FEM1B: variants seen among roughly 807,000 people sequenced by gnomAD.
FEM1B encodes fem-1 homolog B.
Under a neutral mutation model 38.6 loss-of-function variants are expected in FEM1B, and 10 were observed. The observed-to-expected ratio is 0.26, with a 90% CI of 0.16 to 0.44. The LOEUF is 0.44. FEM1B is among the 20% of genes least tolerant of loss of function. The pLI is 1.00. For synonymous variants in FEM1B, 288 were observed against 288.0 expected (o/e 1.00, Z 0.00); for missense variants, 471 against 786.7 (o/e 0.60, Z 4.80).
chr15:68,291,486 C>T lies in FEM1B; in HGVS notation c.*244C>T. 4.8e-6 allele frequency: 2 copies of T among 419,890 alleles called. No individual in the cohort carries two copies. Among genetic ancestry groups the T allele is most frequent in the Non-Finnish European group, 8.4e-6 (2 of 238,208 alleles). 26.0% of individuals were successfully genotyped at this position (419,890 alleles called of 1,614,324 possible). ...ATTTGCATATTGGTTACCTATTTGT[C>T]TTTCTTTTTTTTAAAGGAACAGATA... On this transcript the variant is annotated 3_prime_UTR_variant, in exon 2 of 2. Coordinates refer to ENST00000306917, the MANE Select transcript of FEM1B (RefSeq NM_015322.5). The surrounding 1 kb of genome is among the most constrained non-coding windows in gnomAD (Gnocchi z 6.9).
chr15:68,285,620 A>G (rs1892776382), intron 1 of FEM1B, among the ~76,000 whole-genome samples: 1 of 151,720 alleles, frequency 6.6e-6, no homozygotes, highest in Non-Finnish European at 1.5e-5. Context: ...CCTGTTAACT[A>G]ATTATCTTGA....
rs1430543861 is a variant in FEM1B, at chr15:68,292,409, G to A, written c.*1167G>A. 1.3e-5 allele frequency: 2 copies of A among 151,976 alleles called. No homozygotes were observed. Among genetic ancestry groups the A allele is most frequent in the African/African-American group, 2.4e-5 (1 of 41,396 alleles). 9.4% of individuals were successfully genotyped at this position (151,976 alleles called of 1,614,324 possible). A position where few individuals can be genotyped will look rare whatever the true frequency, so the allele number is the denominator to read the frequency against. On this transcript the variant is annotated 3_prime_UTR_variant, in exon 2 of 2. Coordinates refer to ENST00000306917, the MANE Select transcript of FEM1B (RefSeq NM_015322.5). ...TACAGGCTATACAGAGGTCTTTATG[G>A]TTTTTTTGTTTTGTTTTAATGGCAA...
Position 68,292,998 on chromosome 15 carries a change from T to G in FEM1B, c.*1756T>G, listed in dbSNP as rs1485303552. The G allele has an allele frequency of 6.6e-6, 1 of 152,204 alleles. No individual in the cohort carries two copies. Among genetic ancestry groups the G allele is most frequent in the Non-Finnish European group, 1.5e-5 (1 of 68,010 alleles). 9.4% of individuals were successfully genotyped at this position (152,204 alleles called of 1,614,324 possible). On this transcript the variant is annotated 3_prime_UTR_variant, in exon 2 of 2. Coordinates refer to ENST00000306917, the MANE Select transcript of FEM1B (RefSeq NM_015322.5). ...TCTGTCATGGTAATAGATACCTATT[T>G]TCCTAACCTGAGATTTTACAAGGAA...
rs377002244 is a variant in FEM1B, at chr15:68,288,722, A to AT, written c.249-878dup. Among the ~76,000 whole-genome samples the AT allele has an allele frequency of 6.6e-6, 1 of 152,078 alleles. No homozygotes were observed. Among genetic ancestry groups the AT allele is most frequent in the African/African-American group, 2.4e-5 (1 of 41,390 alleles). On this transcript the variant is annotated intron_variant, in intron 1 of 1. Transcript: ENST00000306917. This position sits in a 1 kb window ranked among gnomAD's most constrained non-coding sequence, Gnocchi z 4.6. ...GTGCTAATTATTTCCTGCTGTTAGT[A>AT]TTTTTTTCCTGTAGTGGTTGATTGA...
chr15:68,285,604 C>T (rs1453847148), intron 1 of FEM1B, among the ~76,000 whole-genome samples: 1 of 151,826 alleles, frequency 6.6e-6, no homozygotes, highest in African/African-American at 2.4e-5. Flanking sequence ...TTTTAATTTG[C>T]ATTTCCCTGT....
At position 68,293,953 on chromosome 15, in the gene FEM1B, G is replaced by A. The variant is rs143728777; in HGVS notation, c.*2711G>A. ...ATGCTTTGAATTGTAAATCTTCATT[G>A]ATGGTATTACAGATTCAACCAAAAC... On this transcript the variant is annotated 3_prime_UTR_variant, in exon 2 of 2. Transcript: ENST00000306917. This position sits in a 1 kb window ranked among gnomAD's most constrained non-coding sequence, Gnocchi z 5.8. 6.6e-6 allele frequency: 1 copy of A among 152,230 alleles called. No homozygotes were observed. The highest frequency in any genetic ancestry group is 1.9e-4 in the East Asian group (1 of 5,194). 9.4% of individuals were successfully genotyped at this position (152,230 alleles called of 1,614,324 possible).
At position 68,292,697 on chromosome 15, in the gene FEM1B, TAAAAA is replaced by T. The variant is rs796707283; in HGVS notation, c.*1460_*1464del. 6.7e-6 allele frequency: 1 copy of T among 150,228 alleles called. No individual in the cohort carries two copies. The highest frequency in any genetic ancestry group is 1.9e-4 in the East Asian group (1 of 5,162). 9.3% of individuals were successfully genotyped at this position (150,228 alleles called of 1,614,324 possible). On this transcript the variant is annotated 3_prime_UTR_variant, in exon 2 of 2. Coordinates refer to ENST00000306917, the MANE Select transcript of FEM1B (RefSeq NM_015322.5). ...GATGTAGCAGCATCAGATATAAACTTAAAAAAAAAGGTTTCAATTAACATTTTATA... is the reference window on the plus strand; with the variant it reads ...GATGTAGCAGCATCAGATATAAACTTAAAAGGTTTCAATTAACATTTTATA...
chr15:68,291,259 A>T lies in FEM1B; in HGVS notation c.*17A>T. 1 of 1,553,732 alleles carries T rather than the reference A, an allele frequency of 6.4e-7. No homozygotes were observed. Reference sequence around the variant, plus strand: ...TTTCATTAAGTGACTGGATATGTAAAGTCGTTTAATGTGGTGCTAAAAAGT... The same window carrying T: ...TTTCATTAAGTGACTGGATATGTAATGTCGTTTAATGTGGTGCTAAAAAGT... On this transcript the variant is annotated 3_prime_UTR_variant, in exon 2 of 2. Coordinates refer to ENST00000306917, the MANE Select transcript of FEM1B (RefSeq NM_015322.5). The surrounding 1 kb of genome is among the most constrained non-coding windows in gnomAD (Gnocchi z 6.9).
In FEM1B at chr15:68,290,958, A is replaced by G. The variant is rs1368174466; in HGVS notation, c.1600A>G (p.Ser534Gly). The G allele has an allele frequency of 1.9e-6, 3 of 1,614,108 alleles. No homozygotes were observed. Among genetic ancestry groups the G allele is most frequent in the Non-Finnish European group, 2.5e-6 (3 of 1,180,038 alleles). Residue 534 changes from serine (S) to glycine (G), a missense_variant, in exon 2 of 2, where the codon AGT becomes GGT. Physicochemically the swap from Ser to Gly is moderately conservative, Grantham distance 56 (BLOSUM62 0). Coordinates refer to ENST00000306917, the MANE Select transcript of FEM1B (RefSeq NM_015322.5). The surrounding 1 kb of genome is among the most constrained non-coding windows in gnomAD (Gnocchi z 9.7). ...EVNAVDNEGN[S>G]ALHIIVQYNR... ...GAATGCCGTGGACAATGAGGGAAAC[A>G]GTGCCCTTCATATTATCGTTCAGTA... is the stretch of plus-strand genomic sequence containing the variant.
rs910657064 is a variant in FEM1B at position 68,281,105 on chromosome 15, C to T, written c.248+2440C>T. On this transcript the variant is annotated intron_variant, in intron 1 of 1. Coordinates refer to ENST00000306917, the MANE Select transcript of FEM1B (RefSeq NM_015322.5). This position sits in a 1 kb window ranked among gnomAD's most constrained non-coding sequence, Gnocchi z 5.1. Reference sequence around the variant, plus strand: ...ACCAAAAAAGAGTGTGATGATTTCACTTTGCATTTGTTTCAGACATTGTGA... The same window carrying T: ...ACCAAAAAAGAGTGTGATGATTTCATTTTGCATTTGTTTCAGACATTGTGA... Among the ~76,000 whole-genome samples the T allele has an allele frequency of 1.3e-5, 2 of 152,206 alleles. No individual in the cohort carries two copies. The highest frequency in any genetic ancestry group is 2.9e-5 in the Non-Finnish European group (2 of 68,030).
At chr15:68,282,650 T>C (rs1193936663) in intron 1 of FEM1B, among the ~76,000 whole-genome samples, 1 of 152,216 alleles carries the variant, frequency 6.6e-6, no homozygotes, top group Admixed American at 6.5e-5. Flanking sequence ...GAATACATAA[T>C]AGAGAACTTG....
Position 68,280,369 on chromosome 15 carries a change from A to G in FEM1B, c.248+1704A>G, listed in dbSNP as rs1184618106. On this transcript the variant is annotated intron_variant, in intron 1 of 1. Transcript: ENST00000306917. The surrounding 1 kb of genome is among the most constrained non-coding windows in gnomAD (Gnocchi z 4.2). ...GTAGGGATTGGATATGCAGAGATGA[A>G]TAACATACTCTTTTGTCTTGGAGGA... 1.3e-5 allele frequency: 2 copies of G among 152,216 alleles called. No homozygotes were observed. Among genetic ancestry groups the G allele is most frequent in the East Asian group, 1.9e-4 (1 of 5,196 alleles). 9.4% of individuals were successfully genotyped at this position (152,216 alleles called of 1,614,324 possible).
Position 68,292,508 on chromosome 15 carries a change from T to G in FEM1B, c.*1266T>G, listed in dbSNP as rs571003036. 23 of 152,258 alleles carry G rather than the reference T, an allele frequency of 1.5e-4. No homozygotes were observed. Among genetic ancestry groups the G allele is most frequent in the African/African-American group, 5.5e-4 (23 of 41,566 alleles). The allele number at this position is 152,258 out of a possible 1,614,324, so 9.4% of individuals were successfully genotyped here. A position where few individuals can be genotyped will look rare whatever the true frequency, so the allele number is the denominator to read the frequency against. On this transcript the variant is annotated 3_prime_UTR_variant, in exon 2 of 2. Transcript: ENST00000306917. ...ATTACAGAAATTCAAGTGAAAGTTA[T>G]ATGCTTATTTCTATTGATGTTAAAA...
In FEM1B at chr15:68,293,413, T is replaced by C. The variant is rs1892867867; in HGVS notation, c.*2171T>C. On this transcript the variant is annotated 3_prime_UTR_variant, in exon 2 of 2. Transcript: ENST00000306917. The surrounding 1 kb of genome is among the most constrained non-coding windows in gnomAD (Gnocchi z 5.8). ...CCAGGACCAGCACTATTTAAGACAC[T>C]GCTTATTTATAAAATGAGAATAATG... The C allele has an allele frequency of 1.3e-5, 2 of 152,220 alleles. No homozygotes were observed. The allele number at this position is 152,220 out of a possible 1,614,324, so 9.4% of individuals were successfully genotyped here.
Position 68,278,734 on chromosome 15 carries a change from C to T in FEM1B, c.248+69C>T. 1 of 1,575,978 alleles carries T rather than the reference C, an allele frequency of 6.3e-7. No homozygotes were observed. The highest frequency in any genetic ancestry group is 8.7e-7 in the Non-Finnish European group (1 of 1,150,426). ...CGTTAATTCACGGGCCCTCCCCTCC[C>T]TCACCCTCTCTTACCCTCTCTTCAT... On this transcript the variant is annotated intron_variant, in intron 1 of 1. Transcript: ENST00000306917. The surrounding 1 kb of genome is among the most constrained non-coding windows in gnomAD (Gnocchi z 5.7).
rs1892683328 is a variant in FEM1B, at chr15:68,278,243, C to T, written c.-175C>T. 1.2e-6 allele frequency: 1 copy of T among 861,704 alleles called. No individual in the cohort carries two copies. The allele number at this position is 861,704 out of a possible 1,614,324, so 53.4% of individuals were successfully genotyped here. On this transcript the variant is annotated 5_prime_UTR_variant, in exon 1 of 2. Coordinates refer to ENST00000306917, the MANE Select transcript of FEM1B (RefSeq NM_015322.5). This position sits in a 1 kb window ranked among gnomAD's most constrained non-coding sequence, Gnocchi z 5.7. ...CGTGCCCTTCGCGGCACTCGGCCTC[C>T]TCTGCGTCTCCGCCTTCCCTGGGCC...
At position 68,291,365 on chromosome 15, in the gene FEM1B, T is replaced by G; in HGVS notation, c.*123T>G. ...TTCCACTACCCTTCCTCCCATCCCA[T>G]CCTTCCTTAGTTCTGTATTTGTTTT... is the stretch of plus-strand genomic sequence containing the variant. On this transcript the variant is annotated 3_prime_UTR_variant, in exon 2 of 2. Coordinates refer to ENST00000306917, the MANE Select transcript of FEM1B (RefSeq NM_015322.5). The surrounding 1 kb of genome is among the most constrained non-coding windows in gnomAD (Gnocchi z 6.9). 1.4e-6 allele frequency: 1 copy of G among 694,918 alleles called. No homozygotes were observed. The highest frequency in any genetic ancestry group is 2.4e-6 in the Non-Finnish European group (1 of 424,794). 43.0% of individuals were successfully genotyped at this position (694,918 alleles called of 1,614,324 possible). A position where few individuals can be genotyped will look rare whatever the true frequency, so the allele number is the denominator to read the frequency against.
In FEM1B at chr15:68,292,656, T is replaced by A. The variant is rs1005666097; in HGVS notation, c.*1414T>A. 2.7e-4 allele frequency: 41 copies of A among 151,414 alleles called. No individual in the cohort carries two copies. Among genetic ancestry groups the A allele is most frequent in the African/African-American group, 9.9e-4 (41 of 41,242 alleles). 9.4% of individuals were successfully genotyped at this position (151,414 alleles called of 1,614,324 possible). ...CCTGTAGCTTTTTTTTTTTCTTTAA[T>A]GAAAAGCATTATAATGATGTAGCAG... On this transcript the variant is annotated 3_prime_UTR_variant, in exon 2 of 2. Coordinates refer to ENST00000306917, the MANE Select transcript of FEM1B (RefSeq NM_015322.5).
rs145141929 is a variant in FEM1B at position 68,282,232 on chromosome 15, C to T, written c.248+3567C>T. 5.8e-4 allele frequency among the ~76,000 whole-genome samples: 87 copies of T among 150,830 alleles called. 1 individual carries two copies. The East Asian group carries it at 0.013, about 23-fold the overall frequency. On this transcript the variant is annotated intron_variant, in intron 1 of 1. Transcript: ENST00000306917. ...ATGTGGATGGGGAGAATAGGACCTC[C>T]GAGAATTTTGAGGCTTTTTGTTGAG...
Sources: gnomAD v4.1 joint callset for allele counts (sites outside exome capture counted in the v4.1 genomes callset) on GRCh38, gnomAD v4.1.1 for gene constraint, Gnocchi (gnomAD v3.1) non-coding constraint, MANE v1.5 for transcripts, NCBI Gene and HGNC (gene_info 2026-07-23, HGNC 2026-07-21) for gene names.